Variants in HID1 observed in about 807,000 individuals in gnomAD.
The protein encoded by HID1 is protein HID1.
HID1 carries 42 observed loss-of-function variants against 89.7 expected under a neutral mutation model. The observed-to-expected ratio is 0.47, with a 90% CI of 0.37 to 0.61. The LOEUF (loss-of-function observed/expected upper bound fraction) is 0.61, where lower values mean the gene tolerates loss of function less well. Ranked by LOEUF, HID1 falls within the 20% of genes least tolerant of loss-of-function variation. The pLI, the probability that HID1 is intolerant of heterozygous loss-of-function variation, is 0.00. For missense variants in HID1, 854 were observed against 1,039.3 expected (o/e 0.82, Z 2.45); for synonymous variants, 442 against 433.8 (o/e 1.02, Z -0.24).
chr17:74,963,857 C>G lies in HID1; in HGVS notation c.270G>C (p.Glu90Asp). Reference protein sequence around the residue: ...GAESGCHSEKEKQIVLNCSRL... With the variant: ...GAESGCHSEKDKQIVLNCSRL... ...GGCTGCAGTTCAGGACGATCTGCTT[C>G]TCCTTCTCCGAGTGGCAGCCACTCT... The change falls in exon 3 of 19, where the codon GAG becomes GAC. Residue 90 changes from glutamate to aspartate, a missense_variant. Transcript: ENST00000425042. 6.2e-7 allele frequency: 1 copy of G among 1,614,030 alleles called. No individual in the cohort carries two copies. The highest frequency in any genetic ancestry group is 2.2e-5 in the East Asian group (1 of 44,874).
At chr17:74,971,827 C>T (rs977482810) in intron 1 of HID1, among the ~76,000 whole-genome samples, 2 of 152,204 alleles carry the variant, frequency 1.3e-5, no homozygotes, top group African/African-American at 4.8e-5. Flanking sequence ...ATGGACTAGG[C>T]TGGAGGGTCC....
At chr17:74,955,167 C>T (rs1301413441) in intron 13 of HID1, among the ~76,000 whole-genome samples, 2 of 152,180 alleles carry the variant, frequency 1.3e-5, no homozygotes, top group Non-Finnish European at 2.9e-5. Context: ...CTTGAAGTGA[C>T]AGCAGGCAGC....
chr17:74,952,489 G>T, intron 16 of HID1, 129 bp from the exon 17 acceptor site: 1 of 658,294 alleles, frequency 1.5e-6, no homozygotes. Context: ...GCATGAGCCT[G>T]GCACCAAGCA....
At chr17:74,960,279 G>C in intron 6 of HID1, 31 bp from the exon 7 acceptor site, 1 of 1,573,424 alleles carries the variant, frequency 6.4e-7, no homozygotes, top group Non-Finnish European at 8.6e-7. Flanking sequence ...GGCTGCAGAG[G>C]CTGCACTGGG....
Position 74,969,655 on chromosome 17 carries a change from G to T in HID1, c.66+2936C>A, listed in dbSNP as rs996436749. 3.3e-5 allele frequency among the ~76,000 whole-genome samples: 5 copies of T among 152,072 alleles called. No individual in the cohort carries two copies. The South Asian group carries it at 1.0e-3, about 32-fold the overall frequency. On this transcript the variant is annotated intron_variant, in intron 1 of 18. Coordinates refer to ENST00000425042, the MANE Select transcript of HID1 (RefSeq NM_030630.3). ...CTTGCTCCGTTGCCCAGACTGGAGT[G>T]CAGTGGCACAATCATAGCTCACCGT...
intron 1 of HID1, among the ~76,000 whole-genome samples, chr17:74,968,394 G>A (rs2039594073): frequency 6.6e-6 from 1 of 151,986 alleles, no homozygotes; most frequent in Non-Finnish European, 1.5e-5. Context: ...AGCACCCGTG[G>A]AACTCTCCAA....
intron 13 of HID1, 126 bp downstream of exon 13, chr17:74,955,666 G>T: frequency 1.3e-6 from 1 of 770,410 alleles, no homozygotes; most frequent in Non-Finnish European, 2.1e-6. Context: ...CTGAATGAAT[G>T]AACTGGGGGC....
Position 74,954,284 on chromosome 17 carries a change from G to A in HID1, c.1718C>T (p.Thr573Ile), listed in dbSNP as rs555020715. ...GCGCCGCTGCAGGGCCTTGTGAATG[G>A]TGGGCGGGTCCGTGGGCAGGTTGGC... is the stretch of plus-strand genomic sequence containing the variant. ...QLANLPTDPP[T>I]IHKALQRRRR... The change falls in exon 14 of 19, where the codon ACC (threonine) becomes ATC (isoleucine). Residue 573 changes from threonine (T) to isoleucine (I), a missense_variant. Coordinates refer to ENST00000425042, the MANE Select transcript of HID1 (RefSeq NM_030630.3). 12 of 1,588,280 alleles carry A rather than the reference G, an allele frequency of 7.6e-6. No individual in the cohort carries two copies. The highest frequency in any genetic ancestry group is 1.7e-4 in the Middle Eastern group (1 of 6,022).
chr17:74,957,227 G>A (rs1449942533), intron 12 of HID1, among the ~76,000 whole-genome samples: 1 of 151,912 alleles, frequency 6.6e-6, no homozygotes, highest in Non-Finnish European at 1.5e-5. Flanking sequence ...TAACCCCAGC[G>A]CTTTGGGAGG....
At chr17:74,969,408 G>A (rs986829480) in intron 1 of HID1, among the ~76,000 whole-genome samples, 8 of 151,996 alleles carry the variant, frequency 5.3e-5, no homozygotes, top group African/African-American at 1.5e-4. Context: ...GGACGGTCTC[G>A]ATCTCCTGAC....
Position 74,955,930 on chromosome 17 carries a change from T to G in HID1, c.1498A>C (p.Met500Leu), listed in dbSNP as rs754959284. ...NVSPYLKSLS[M>L]VTANKLLHLL... Reference sequence around the variant, plus strand: ...TGCAGCAACTTGTTGGCAGTCACCATGGACAGGCTCTTGAGGTAGGGGGAC... The same window carrying G: ...TGCAGCAACTTGTTGGCAGTCACCAGGGACAGGCTCTTGAGGTAGGGGGAC... The change falls in exon 13 of 19, where the codon ATG becomes CTG. Residue 500 changes from methionine (M) to leucine (L), a missense_variant. Coordinates refer to ENST00000425042, the MANE Select transcript of HID1 (RefSeq NM_030630.3). 3 of 1,614,018 alleles carry G rather than the reference T, an allele frequency of 1.9e-6. No individual in the cohort carries two copies. Among genetic ancestry groups the G allele is most frequent in the Non-Finnish European group, 2.5e-6 (3 of 1,179,926 alleles).
rs779243710 is a variant in HID1 at position 74,963,009 on chromosome 17, A to G, written c.460T>C (p.Phe154Leu). ...CTCTGAACCGTGAAGTCCGGGCAGAAGAGCAGGTCAGCAATGGCCAGGAGC... is the reference window on the plus strand; with the variant it reads ...CTCTGAACCGTGAAGTCCGGGCAGAGGAGCAGGTCAGCAATGGCCAGGAGC... ...SLLLAIADLL[F>L]CPDFTVQSHR... Residue 154 changes from phenylalanine to leucine, a missense_variant, in exon 4 of 19, where the codon TTC (phenylalanine) becomes CTC (leucine). Phe to Leu is a conservative substitution (Grantham distance 22, BLOSUM62 0). Coordinates refer to ENST00000425042, the MANE Select transcript of HID1 (RefSeq NM_030630.3). 1.2e-6 allele frequency: 2 copies of G among 1,613,682 alleles called. No individual in the cohort carries two copies. Among genetic ancestry groups the G allele is most frequent in the South Asian group, 1.1e-5 (1 of 91,036 alleles).
chr17:74,965,439 G>C (rs1021028451), intron 1 of HID1, among the ~76,000 whole-genome samples: 2 of 152,150 alleles, frequency 1.3e-5, no homozygotes, highest in African/African-American at 4.8e-5. Context: ...CCTTACACAC[G>C]TGCACACAGA....
chr17:74,954,619 G>A (rs1433605989), intron 13 of HID1: 6 of 597,552 alleles, frequency 1.0e-5, no homozygotes, highest in East Asian at 3.0e-5. Flanking sequence ...TTGAGTTCCC[G>A]CCACAACCCA....
rs373765122 is a variant in HID1, at chr17:74,972,270, C to G, written c.66+321G>C. On this transcript the variant is annotated intron_variant, in intron 1 of 18. Transcript: ENST00000425042. This position sits in a 1 kb window ranked among gnomAD's most constrained non-coding sequence, Gnocchi z 6.4. ...GCGGCGGGAGGCTGGAGATGCGAAG[C>G]TGGGGACGCCGCGGGGCGGGACAGG... Among the ~76,000 whole-genome samples the G allele has an allele frequency of 9.4e-6, 1 of 106,266 alleles. No homozygotes were observed. Among genetic ancestry groups the G allele is most frequent in the African/African-American group, 3.6e-5 (1 of 28,050 alleles). The allele number at this position is 106,266 out of a possible 152,430, so 69.7% of individuals were successfully genotyped here.
intron 13 of HID1, chr17:74,955,025 G>GATACGGCGA: frequency 6.4e-6 from 1 of 157,074 alleles, no homozygotes; most frequent in Admixed American, 6.1e-5. Flanking sequence ...GGGTTATTTT[G>GATACGGCGA]CCCCATCTTC....
chr17:74,966,210 G>A (rs2039560623), intron 1 of HID1, among the ~76,000 whole-genome samples: 1 of 145,328 alleles, frequency 6.9e-6, no homozygotes, highest in South Asian at 2.2e-4. Flanking sequence ...CTTGAACCCA[G>A]GAGGCAGAGG....
rs1195864586 is a variant in HID1, at chr17:74,959,998, G to A, written c.951+28C>T. 1.2e-6 allele frequency: 2 copies of A among 1,613,294 alleles called. No individual in the cohort carries two copies. The highest frequency in any genetic ancestry group is 1.1e-5 in the South Asian group (1 of 91,058). ...CTCCCCACAACCCGTGGCCCCGGCA[G>A]CTGTCCCTTCCATGCTCCCATCCTT... On this transcript the variant is annotated intron_variant, in intron 7 of 18. Coordinates refer to ENST00000425042, the MANE Select transcript of HID1 (RefSeq NM_030630.3). This position sits in a 1 kb window ranked among gnomAD's most constrained non-coding sequence, Gnocchi z 4.6.
Position 74,958,565 on chromosome 17 carries a change from A to G in HID1, c.1241-87T>C. The G allele has an allele frequency of 1.3e-6, 2 of 1,583,826 alleles. No individual in the cohort carries two copies. The highest frequency in any genetic ancestry group is 2.3e-5 in the South Asian group (2 of 88,724). On this transcript the variant is annotated intron_variant, in intron 10 of 18. Coordinates refer to ENST00000425042, the MANE Select transcript of HID1 (RefSeq NM_030630.3). The surrounding 1 kb of genome is among the most constrained non-coding windows in gnomAD (Gnocchi z 5.2). The stretch of plus-strand genomic sequence containing the variant: ...TGACCATTTTGGAGGCCTCCCTCCT[A>G]GGAGGTCAGAGTGCCAGGCCTGAGC...
Sources: gnomAD v4.1 joint callset for allele counts (sites outside exome capture counted in the v4.1 genomes callset) on GRCh38, gnomAD v4.1.1 for gene constraint, Gnocchi (gnomAD v3.1) non-coding constraint, MANE v1.5 for transcripts, NCBI Gene and HGNC (gene_info 2026-07-23, HGNC 2026-07-21) for gene names.